LRRC4C: variants seen among roughly 807,000 people sequenced by gnomAD.
LRRC4C encodes leucine rich repeat containing 4C.
LRRC4C carries 5 observed loss-of-function variants against 33.6 expected under a neutral mutation model. The ratio of observed to expected loss-of-function variants is 0.15; its 90% confidence interval spans 0.08 to 0.31. The LOEUF (loss-of-function observed/expected upper bound fraction) is 0.31. LRRC4C is among the 10% of genes least tolerant of loss of function. LRRC4C has a pLI of 1.00. For synonymous variants in LRRC4C, 329 were observed against 302.0 expected (o/e 1.09, Z -0.93); for missense variants, 560 against 796.7 (o/e 0.70, Z 3.58).
At chr11:41,405,058 T>C (rs1388710840) in intron 1 of LRRC4C, among the ~76,000 whole-genome samples, 1 of 152,124 alleles carries the variant, frequency 6.6e-6, no homozygotes, top group Non-Finnish European at 1.5e-5. Context: ...GCTTTATTGT[T>C]ACCTAAAATG....
chr11:40,767,508 G>A (rs1202152834), intron 2 of LRRC4C, among the ~76,000 whole-genome samples: 1 of 152,040 alleles, frequency 6.6e-6, no homozygotes, highest in Non-Finnish European at 1.5e-5. Context: ...TTATTCATTA[G>A]CTGAGGAATA....
At chr11:40,572,568 A>G (rs1043326316) in intron 3 of LRRC4C, among the ~76,000 whole-genome samples, 11 of 152,222 alleles carry the variant, frequency 7.2e-5, no homozygotes, top group African/African-American at 2.4e-4. Flanking sequence ...GGACAGACCT[A>G]GTCATAATAC....
intron 2 of LRRC4C, among the ~76,000 whole-genome samples, chr11:40,874,994 G>T (rs1031082002): frequency 6.6e-6 from 1 of 152,052 alleles, no homozygotes; most frequent in South Asian, 2.1e-4. Flanking sequence ...TCTACAAAAG[G>T]TAATCAACAT....
intron 1 of LRRC4C, among the ~76,000 whole-genome samples, chr11:41,352,619 A>G (rs905863052): frequency 6.6e-6 from 1 of 152,136 alleles, no homozygotes; most frequent in Non-Finnish European, 1.5e-5. Flanking sequence ...ACACTCAGCC[A>G]TAAAGTAATT....
chr11:40,483,955 G>A (rs1168936000), intron 3 of LRRC4C, among the ~76,000 whole-genome samples: 1 of 151,810 alleles, frequency 6.6e-6, no homozygotes, highest in East Asian at 1.9e-4. Context: ...TCCCCCAAAT[G>A]TATAAAATGA....
intron 4 of LRRC4C, chr11:40,293,723 C>A (rs754309651): frequency 1.3e-5 from 2 of 152,242 alleles, no homozygotes; most frequent in Non-Finnish European, 2.9e-5. Flanking sequence ...GCTTTGATCT[C>A]ATTTCCAGCT....
intron 3 of LRRC4C, among the ~76,000 whole-genome samples, chr11:40,355,304 G>A (rs1303931): frequency 0.29 from 44,320 of 151,844 alleles, 6,858 homozygotes; most frequent in East Asian, 0.5. Flanking sequence ...GGTGACACAA[G>A]CCCTCCCTTA....
intron 1 of LRRC4C, among the ~76,000 whole-genome samples, chr11:41,193,624 T>C (rs1033654768): frequency 2.0e-5 from 3 of 152,082 alleles, no homozygotes; most frequent in African/African-American, 7.2e-5. Flanking sequence ...AAGACACGGA[T>C]CTTGATCTAA....
intron 1 of LRRC4C, among the ~76,000 whole-genome samples, chr11:40,971,817 C>T (rs1200146162): frequency 2.0e-5 from 3 of 152,170 alleles, no homozygotes; most frequent in East Asian, 1.9e-4. Flanking sequence ...CCACCTCTTA[C>T]ACCAGTATGT....
intron 6 of LRRC4C, among the ~76,000 whole-genome samples, chr11:40,139,964 G>A (rs754022989): frequency 1.3e-5 from 2 of 152,236 alleles, no homozygotes; most frequent in South Asian, 2.1e-4. Context: ...TCTAATTGAT[G>A]GGCTCATTTA....
intron 1 of LRRC4C, among the ~76,000 whole-genome samples, chr11:40,954,308 C>T (rs1417503875): frequency 1.3e-5 from 2 of 151,802 alleles, no homozygotes; most frequent in Non-Finnish European, 2.9e-5. Flanking sequence ...AACAAAGAAA[C>T]CTCTCCTGAT....
At chr11:41,113,735 C>T (rs1941970091) in intron 1 of LRRC4C, among the ~76,000 whole-genome samples, 1 of 152,018 alleles carries the variant, frequency 6.6e-6, no homozygotes, top group Non-Finnish European at 1.5e-5. Flanking sequence ...TCATCTGTCC[C>T]ATGCTGGATT....
chr11:41,001,146 C>A (rs1854347693), intron 1 of LRRC4C, among the ~76,000 whole-genome samples: 1 of 151,998 alleles, frequency 6.6e-6, no homozygotes, highest in Non-Finnish European at 1.5e-5. Context: ...AAAGATAAAT[C>A]ACAATTGGTA....
intron 2 of LRRC4C, among the ~76,000 whole-genome samples, chr11:40,887,605 T>C (rs1466733544): frequency 6.6e-6 from 1 of 152,036 alleles, no homozygotes; most frequent in East Asian, 1.9e-4. Flanking sequence ...ACCCATAGCA[T>C]AGCCAGCTTA....
At chr11:40,731,421 G>A (rs1159946112) in intron 2 of LRRC4C, among the ~76,000 whole-genome samples, 1 of 152,104 alleles carries the variant, frequency 6.6e-6, no homozygotes, top group Non-Finnish European at 1.5e-5. Flanking sequence ...TTTACCTTCT[G>A]CCATAAGTAA....
intron 2 of LRRC4C, among the ~76,000 whole-genome samples, chr11:40,765,792 A>G (rs891400144): frequency 1.3e-5 from 2 of 152,074 alleles, no homozygotes; most frequent in Admixed American, 6.6e-5. Flanking sequence ...AGAAGAAAAA[A>G]AAAATTAAAT....
At chr11:41,454,891 T>C (rs1027060924) in intron 1 of LRRC4C, among the ~76,000 whole-genome samples, 1 of 152,162 alleles carries the variant, frequency 6.6e-6, no homozygotes, top group Admixed American at 6.6e-5. Context: ...AATGAGAGAA[T>C]ATATGTGAGC....
chr11:40,996,208 A>G (rs61887617), intron 1 of LRRC4C, among the ~76,000 whole-genome samples: 4,454 of 152,226 alleles, frequency 0.029, 64 homozygotes, highest in Middle Eastern at 0.044. Context: ...TAGGCAGATA[A>G]GAGAGGAATG....
chr11:41,335,622 A>C (rs1318712970), intron 1 of LRRC4C, among the ~76,000 whole-genome samples: 1 of 152,190 alleles, frequency 6.6e-6, no homozygotes, highest in East Asian at 1.9e-4. Flanking sequence ...GTACTTACTA[A>C]TTGCCTATCA....
Sources: gnomAD v4.1 joint callset for allele counts (sites outside exome capture counted in the v4.1 genomes callset) on GRCh38, gnomAD v4.1.1 for gene constraint, MANE v1.5 for transcripts, NCBI Gene and HGNC (gene_info 2026-07-23, HGNC 2026-07-21) for gene names.